ZNF277: variants seen among roughly 807,000 people sequenced by gnomAD.
ZNF277 encodes the protein zinc finger protein 277, also known as nuclear receptor-interacting factor 4.
ZNF277 carries 55 observed loss-of-function variants against 60.7 expected under a neutral mutation model. That is an observed-to-expected ratio of 0.91 (90% CI 0.73 to 1.13). The LOEUF is 1.13. Ranked by LOEUF, ZNF277 falls within the 50% of genes most tolerant of loss-of-function variation. ZNF277 has a pLI of 0.00. For missense variants in ZNF277, 510 were observed against 523.0 expected (o/e 0.98, Z 0.24); for synonymous variants, 178 against 179.3 (o/e 0.99, Z 0.06).
At chr7:112,232,051 A>G (rs940298655) in intron 1 of ZNF277, among the ~76,000 whole-genome samples, 1 of 7,410 alleles carries the variant, frequency 1.3e-4, no homozygotes, top group African/African-American at 1.8e-4. Flanking sequence ...ACATATATAT[A>G]TATATATATA....
chr7:112,302,508 G>A (rs1160532990), intron 4 of ZNF277, among the ~76,000 whole-genome samples: 1 of 152,034 alleles, frequency 6.6e-6, no homozygotes, highest in Non-Finnish European at 1.5e-5. Context: ...TTAAATATAA[G>A]ATGATATTTC....
At chr7:112,304,048 TTA>T (rs574150338) in intron 4 of ZNF277, among the ~76,000 whole-genome samples, 25 of 152,244 alleles carry the variant, frequency 1.6e-4, no homozygotes, top group Admixed American at 6.5e-4. Flanking sequence ...TCTCTGTTTT[TTA>T]TGTTTCACTA....
intron 7 of ZNF277, among the ~76,000 whole-genome samples, chr7:112,333,949 C>T (rs953785488): frequency 7.2e-5 from 11 of 152,150 alleles, no homozygotes; most frequent in African/African-American, 2.4e-4. Context: ...CATATTCCTA[C>T]GATGCTCATG....
intron 1 of ZNF277, among the ~76,000 whole-genome samples, chr7:112,229,822 C>T (rs181581543): frequency 1.3e-5 from 2 of 152,266 alleles, no homozygotes; most frequent in Non-Finnish European, 2.9e-5. Context: ...TATTATTAAC[C>T]TGTCTAGGCA....
chr7:112,287,040 A>G lies in ZNF277; in HGVS notation c.259A>G (p.Ile87Val), dbSNP rs1792085683. Reference protein sequence around the residue: ...KHMIIEHKIVIADVKLVADFQ... With the variant: ...KHMIIEHKIVVADVKLVADFQ... Reference sequence around the variant, plus strand: ...CATGATTATTGAGCATAAGATTGTCATAGCTGATGTCAAGTTGGTTGCTGA... The same window carrying G: ...CATGATTATTGAGCATAAGATTGTCGTAGCTGATGTCAAGTTGGTTGCTGA... Residue 87 changes from isoleucine (I) to valine (V), a missense_variant, in exon 2 of 12, where the codon ATA becomes GTA. Ile to Val is a conservative substitution (Grantham distance 29). Transcript: ENST00000361822. 6.2e-7 allele frequency: 1 copy of G among 1,613,944 alleles called. No individual in the cohort carries two copies. The highest frequency in any genetic ancestry group is 1.7e-5 in the Admixed American group (1 of 59,990).
chr7:112,208,616 A>G (rs1261864972), intron 1 of ZNF277, among the ~76,000 whole-genome samples: 1 of 145,340 alleles, frequency 6.9e-6, no homozygotes, highest in Non-Finnish European at 1.5e-5. Flanking sequence ...TTTTAATCCT[A>G]CAATCCGTAT....
chr7:112,259,413 A>C (rs1791394058), intron 1 of ZNF277, among the ~76,000 whole-genome samples: 1 of 152,130 alleles, frequency 6.6e-6, no homozygotes, highest in African/African-American at 2.4e-5. Flanking sequence ...AAAATTACGT[A>C]GTAGTAGAGT....
At chr7:112,286,841 C>CTTTTTTTA in intron 1 of ZNF277, 32 bp from the exon 2 acceptor site, 1 of 947,882 alleles carries the variant, frequency 1.1e-6, no homozygotes, top group Non-Finnish European at 1.4e-6. Flanking sequence ...TTCTTTCTTT[C>CTTTTTTTA]TTTTTTTTTT....
intron 4 of ZNF277, among the ~76,000 whole-genome samples, chr7:112,308,247 G>C (rs1381649460): frequency 6.6e-6 from 1 of 151,958 alleles, no homozygotes; most frequent in Non-Finnish European, 1.5e-5. Flanking sequence ...TGGGTGCGGT[G>C]GCTCACTCCT....
At chr7:112,341,374 T>C (rs1793441959) in intron 11 of ZNF277, among the ~76,000 whole-genome samples, 1 of 152,224 alleles carries the variant, frequency 6.6e-6, no homozygotes, top group South Asian at 2.1e-4. Context: ...TATCCATCTG[T>C]TGCATCCTTT....
At chr7:112,295,575 C>T (rs1209374719) in intron 2 of ZNF277, among the ~76,000 whole-genome samples, 3 of 152,126 alleles carry the variant, frequency 2.0e-5, no homozygotes, top group East Asian at 1.9e-4. Context: ...TTCATTATCA[C>T]ATAAAAATAA....
chr7:112,338,602 C>T (rs554902475), intron 9 of ZNF277, among the ~76,000 whole-genome samples: 151 of 152,260 alleles, frequency 9.9e-4, no homozygotes, highest in African/African-American at 3.5e-3. Flanking sequence ...TTCACCTCAC[C>T]CTTATTCAGA....
chr7:112,339,004 A>G (rs931252996), intron 9 of ZNF277, among the ~76,000 whole-genome samples: 13 of 152,252 alleles, frequency 8.5e-5, no homozygotes, highest in Admixed American at 7.8e-4. Context: ...ACAAACACGC[A>G]AAAAATAAGT....
intron 1 of ZNF277, among the ~76,000 whole-genome samples, chr7:112,239,992 CTTCT>C (rs1790908112): frequency 6.6e-6 from 1 of 152,220 alleles, no homozygotes; most frequent in African/African-American, 2.4e-5. Context: ...TTTCTCTTTG[CTTCT>C]TTGTTAGTGT....
intron 5 of ZNF277, among the ~76,000 whole-genome samples, chr7:112,323,475 G>C (rs564001225): frequency 3.2e-4 from 49 of 152,160 alleles, no homozygotes; most frequent in Non-Finnish European, 4.1e-4. Context: ...TGCCATACAG[G>C]CTGAATAGTA....
At chr7:112,258,086 A>G (rs1446826093) in intron 1 of ZNF277, among the ~76,000 whole-genome samples, 1 of 152,074 alleles carries the variant, frequency 6.6e-6, no homozygotes, top group Non-Finnish European at 1.5e-5. Context: ...TATTCATTTT[A>G]ATGATGGTAA....
chr7:112,322,788 T>G (rs1400095668), intron 5 of ZNF277, among the ~76,000 whole-genome samples: 1 of 152,156 alleles, frequency 6.6e-6, no homozygotes, highest in Non-Finnish European at 1.5e-5. Context: ...TTTCTTTGTA[T>G]GTCTTGTAAT....
intron 1 of ZNF277, among the ~76,000 whole-genome samples, chr7:112,222,679 G>A (rs1822063802): frequency 6.6e-6 from 1 of 152,132 alleles, no homozygotes; most frequent in African/African-American, 2.4e-5. Flanking sequence ...TTGTTACTGT[G>A]GGACTGAGTA....
intron 1 of ZNF277, among the ~76,000 whole-genome samples, chr7:112,274,911 A>G (rs965135699): frequency 5.3e-5 from 8 of 152,148 alleles, no homozygotes; most frequent in Admixed American, 3.3e-4. Context: ...CTTCTTTTCT[A>G]TCTCTTCCTC....
Sources: gnomAD v4.1 joint callset for allele counts (sites outside exome capture counted in the v4.1 genomes callset) on GRCh38, gnomAD v4.1.1 for gene constraint, MANE v1.5 for transcripts, NCBI Gene and HGNC (gene_info 2026-07-23, HGNC 2026-07-21) for gene names.